CAMK2A: variants seen among roughly 807,000 people sequenced by gnomAD.
The protein encoded by CAMK2A is calcium/calmodulin-dependent protein kinase type II subunit alpha.
Under a neutral mutation model 79.2 loss-of-function variants are expected in CAMK2A, and 7 were observed. The ratio of observed to expected loss-of-function variants is 0.09; its 90% CI spans 0.05 to 0.17. The LOEUF (loss-of-function observed/expected upper bound fraction) is 0.17. CAMK2A is among the 10% of genes least tolerant of loss of function. The pLI, the probability that CAMK2A is intolerant of heterozygous loss-of-function variation, is 1.00. For missense variants in CAMK2A, 214 were observed against 646.4 expected (o/e 0.33, Z 7.25); for synonymous variants, 242 against 251.7 (o/e 0.96, Z 0.36).
At chr5:150,228,790 C>T (rs566047187) in intron 16 of CAMK2A, among the ~76,000 whole-genome samples, 84 of 152,318 alleles carry the variant, frequency 5.5e-4, no homozygotes, top group Admixed American at 1.1e-3. Flanking sequence ...GGCGAGTTTT[C>T]TAATTTGAAC....
Position 150,222,317 on chromosome 5 carries a change from T to C in CAMK2A, c.*393A>G. The C allele has an allele frequency of 3.3e-6, 2 of 605,874 alleles. No individual in the cohort carries two copies. The highest frequency in any genetic ancestry group is 4.4e-4 in the Middle Eastern group (1 of 2,264). 37.5% of individuals were successfully genotyped at this position (605,874 alleles called of 1,614,324 possible). ...GAGGTCTGGGAGAGGGACGGACGGA[T>C]GCTGCCTTCCTCATCATGCCACCCC... is the stretch of plus-strand genomic sequence containing the variant. On this transcript the variant is annotated 3_prime_UTR_variant, in exon 19 of 19. Transcript: ENST00000671881.
chr5:150,268,320 C>T (rs1313941166), intron 2 of CAMK2A, among the ~76,000 whole-genome samples: 1 of 152,190 alleles, frequency 6.6e-6, no homozygotes, highest in Non-Finnish European at 1.5e-5. Context: ...CACTGGCCTC[C>T]TCTCTGCCCT....
chr5:150,228,967 C>T (rs570314408), intron 16 of CAMK2A, among the ~76,000 whole-genome samples: 5 of 152,134 alleles, frequency 3.3e-5, no homozygotes, highest in South Asian at 4.1e-4. Flanking sequence ...TTAGTCTTCT[C>T]GGAGATCCTG....
At chr5:150,289,529 C>T in intron 1 of CAMK2A, 35 bp downstream of exon 1, 4 of 1,573,030 alleles carry the variant, frequency 2.5e-6, no homozygotes, top group Non-Finnish European at 3.5e-6. Context: ...TCCCCGCCCC[C>T]CATGCCTTCC....
chr5:150,245,681 C>T (rs1755537922), intron 12 of CAMK2A, among the ~76,000 whole-genome samples: 1 of 152,206 alleles, frequency 6.6e-6, no homozygotes, highest in South Asian at 2.1e-4. Flanking sequence ...CTGCAGGCTG[C>T]GTCTTGCCAG....
chr5:150,277,178 C>T (rs1451176762), intron 1 of CAMK2A, among the ~76,000 whole-genome samples: 1 of 152,184 alleles, frequency 6.6e-6, no homozygotes, highest in Non-Finnish European at 1.5e-5. Context: ...AGCATCACTG[C>T]ACTCCAGCCT....
chr5:150,234,749 G>A (rs749122676), intron 15 of CAMK2A, among the ~76,000 whole-genome samples: 1 of 152,180 alleles, frequency 6.6e-6, no homozygotes, highest in East Asian at 1.9e-4. Flanking sequence ...GATATGAGGG[G>A]GTGTAGCTCT....
upstream of CAMK2A, chr5:150,289,817 A>G (rs1353196495): frequency 9.0e-6 from 5 of 553,456 alleles, no homozygotes; most frequent in Non-Finnish European, 1.3e-5. Context: ...AGCCTTCGTC[A>G]GCATCCAGGT....
chr5:150,285,140 T>G (rs1414455072), intron 1 of CAMK2A, among the ~76,000 whole-genome samples: 1 of 152,048 alleles, frequency 6.6e-6, no homozygotes, highest in Non-Finnish European at 1.5e-5. Context: ...GGGAGGATGT[T>G]CCCCAGATAC....
intron 1 of CAMK2A, among the ~76,000 whole-genome samples, chr5:150,278,673 G>C (rs929225681): frequency 6.6e-6 from 1 of 152,234 alleles, no homozygotes; most frequent in East Asian, 1.9e-4. Flanking sequence ...TCCTGGAAGT[G>C]CCTGTGAAAG....
At chr5:150,266,038 G>A (rs990431679) in intron 2 of CAMK2A, among the ~76,000 whole-genome samples, 7 of 152,310 alleles carry the variant, frequency 4.6e-5, no homozygotes, top group Admixed American at 4.6e-4. Context: ...CTTCCAGAGG[G>A]CTGTGTTGAT....
Position 150,235,515 on chromosome 5 carries a change from CA to C in CAMK2A, c.1066+3184del, listed in dbSNP as rs571986605. On this transcript the variant is annotated intron_variant, in intron 15 of 18. Transcript: ENST00000671881. The stretch of plus-strand genomic sequence containing the variant: ...CAGCATGCTAAGACTGAAACGGGAT[CA>C]GCATTCCTGACTGATATTTCCCAGA... Among the ~76,000 whole-genome samples, 41 of 152,352 alleles carry C rather than the reference CA, an allele frequency of 2.7e-4. 1 individual carries two copies. The South Asian group carries it at 5.0e-3, about 18-fold the overall frequency.
rs746935527 is a variant in CAMK2A, at chr5:150,251,786, G to A, written c.657C>T (p.His219=). Residue 219 remains histidine (H), a synonymous_variant, in exon 9 of 19, where the codon CAC becomes CAT. Transcript: ENST00000671881. ...CGGCTTTGATCTGCTGGTACAGGCG[G>A]TGCTGGTCCTCATCCCAGAACGGGG... The part of the protein sequence containing the change: ...GYPPFWDEDQ[H]RLYQQIKAGA... 2.0e-5 allele frequency: 33 copies of A among 1,610,034 alleles called. No individual in the cohort carries two copies. Among genetic ancestry groups the A allele is most frequent in the Non-Finnish European group, 2.8e-5 (33 of 1,178,104 alleles).
At chr5:150,245,227 T>A (rs751404047) in intron 12 of CAMK2A, 26 bp from the exon 13 acceptor site, 1 of 1,611,342 alleles carries the variant, frequency 6.2e-7, no homozygotes, top group Non-Finnish European at 8.5e-7. Context: ...AGTAGAGGGT[T>A]AACAACGCCA....
intron 1 of CAMK2A, among the ~76,000 whole-genome samples, chr5:150,281,086 TC>T (rs1186894058): frequency 6.6e-6 from 1 of 152,212 alleles, no homozygotes; most frequent in Non-Finnish European, 1.5e-5. Context: ...CAGAGCCCCC[TC>T]CTGTCTTAGG....
At chr5:150,237,397 G>C (rs1418360110) in intron 15 of CAMK2A, among the ~76,000 whole-genome samples, 4 of 151,756 alleles carry the variant, frequency 2.6e-5, no homozygotes, top group African/African-American at 9.7e-5. Flanking sequence ...ACCACCACCA[G>C]GCATCTCTGC....
intron 12 of CAMK2A, among the ~76,000 whole-genome samples, chr5:150,245,810 G>A (rs1217051440): frequency 6.6e-6 from 1 of 152,220 alleles, no homozygotes; most frequent in Admixed American, 6.5e-5. Context: ...TATTGGCACT[G>A]GCTATGGCCC....
chr5:150,264,017 A>G (rs986733719), intron 3 of CAMK2A, among the ~76,000 whole-genome samples: 1 of 152,148 alleles, frequency 6.6e-6, no homozygotes, highest in African/African-American at 2.4e-5. Context: ...CTGGGCACGG[A>G]GAGAGGCTTC....
chr5:150,271,405 A>G (rs1202855054), intron 2 of CAMK2A, among the ~76,000 whole-genome samples: 1 of 152,224 alleles, frequency 6.6e-6, no homozygotes, highest in Non-Finnish European at 1.5e-5. Flanking sequence ...ACACTGAGCC[A>G]GAGAAGAAAG....
Sources: gnomAD v4.1 joint callset for allele counts (sites outside exome capture counted in the v4.1 genomes callset) on GRCh38, gnomAD v4.1.1 for gene constraint, MANE v1.5 for transcripts, NCBI Gene and HGNC (gene_info 2026-07-23, HGNC 2026-07-21) for gene names.